CLEC16A: variants seen among roughly 807,000 people sequenced by gnomAD.
CLEC16A encodes the protein C-type lectin domain containing 16A, also known as protein CLEC16A.
A neutral mutation model predicts 109.5 loss-of-function variants in CLEC16A; 51 were observed. That is an observed-to-expected ratio of 0.47 (90% CI 0.37 to 0.59). CLEC16A has a LOEUF of 0.59. Ranked by LOEUF, CLEC16A falls within the 20% of genes least tolerant of loss-of-function variation. The pLI, the probability that CLEC16A is intolerant of heterozygous loss-of-function variation, is 0.00. For synonymous variants in CLEC16A, 673 were observed against 564.2 expected (o/e 1.19, Z -2.73); for missense variants, 1,339 against 1,394.0 (o/e 0.96, Z 0.63).
intron 10 of CLEC16A, among the ~76,000 whole-genome samples, chr16:10,988,945 G>A (rs1282399125): frequency 6.6e-6 from 1 of 152,112 alleles, no homozygotes; most frequent in Admixed American, 6.5e-5. Context: ...TCCTACCTGG[G>A]ACCTTCTTCC....
chr16:11,014,268 T>C (rs2045609194), intron 11 of CLEC16A, among the ~76,000 whole-genome samples: 1 of 152,256 alleles, frequency 6.6e-6, no homozygotes, highest in South Asian at 2.1e-4. Flanking sequence ...TTACTCCATA[T>C]CATTTCTCAG....
At chr16:10,956,936 T>C (rs1199426193) in intron 1 of CLEC16A, among the ~76,000 whole-genome samples, 1 of 152,108 alleles carries the variant, frequency 6.6e-6, no homozygotes, top group East Asian at 1.9e-4. Context: ...TAGCTGGGAT[T>C]ACAGACTTCG....
At chr16:10,987,739 A>G (rs983717579) in intron 10 of CLEC16A, among the ~76,000 whole-genome samples, 4 of 152,182 alleles carry the variant, frequency 2.6e-5, no homozygotes, top group Non-Finnish European at 4.4e-5. Context: ...TTCCTTCCCT[A>G]TGAGCGAGAA....
intron 20 of CLEC16A, among the ~76,000 whole-genome samples, chr16:11,121,845 A>C (rs1187382838): frequency 3.8e-5 from 5 of 130,678 alleles, no homozygotes. Context: ...GTGCCACTGC[A>C]CTCCAGCCTG....
intron 23 of CLEC16A, among the ~76,000 whole-genome samples, chr16:11,172,866 G>A (rs1400970769): frequency 1.1e-4 from 16 of 152,186 alleles, no homozygotes; most frequent in Non-Finnish European, 1.5e-5. Context: ...TCCAGCCTGG[G>A]CAACAGAGCG....
chr16:11,160,945 A>C (rs2054701881), intron 22 of CLEC16A, among the ~76,000 whole-genome samples: 1 of 152,156 alleles, frequency 6.6e-6, no homozygotes, highest in African/African-American at 2.4e-5. Context: ...GAAATCCCAC[A>C]TGCCACATTC....
rs199977476 is a variant in CLEC16A, at chr16:10,957,851, C to T, written c.150C>T (p.Thr50=). The change falls in exon 2 of 24, where the codon ACC becomes ACT. Residue 50 remains threonine, a synonymous_variant. Transcript: ENST00000409790. ...AGAACCGGAACCTGCTAGTGGAGAC[C>T]ATCCGTTCCATCACTGAGATCCTGA... The part of the protein sequence containing the change: ...TEQNRNLLVE[T]IRSITEILIW... 4 of 1,613,664 alleles carry T rather than the reference C, an allele frequency of 2.5e-6. No homozygotes were observed. Among genetic ancestry groups the T allele is most frequent in the South Asian group, 2.2e-5 (2 of 91,082 alleles).
At chr16:11,138,064 A>G (rs749807170) in intron 22 of CLEC16A, among the ~76,000 whole-genome samples, 5 of 152,170 alleles carry the variant, frequency 3.3e-5, no homozygotes, top group Non-Finnish European at 7.4e-5. Flanking sequence ...GTGGAGAAGA[A>G]TTGGGGTAGG....
intron 11 of CLEC16A, among the ~76,000 whole-genome samples, chr16:11,019,180 C>A (rs184138496): frequency 3.9e-5 from 6 of 152,288 alleles, no homozygotes; most frequent in Non-Finnish European, 1.5e-5. Context: ...GATGTGAACT[C>A]TGAGTTCCAA....
chr16:11,129,156 C>T (rs936733214), intron 22 of CLEC16A, among the ~76,000 whole-genome samples: 1 of 152,160 alleles, frequency 6.6e-6, no homozygotes, highest in African/African-American at 2.4e-5. Context: ...AGCCTCAGCA[C>T]CCACGTGTTT....
At chr16:10,985,301 A>G (rs929036024) in intron 10 of CLEC16A, among the ~76,000 whole-genome samples, 3 of 150,860 alleles carry the variant, frequency 2.0e-5, no homozygotes, top group African/African-American at 7.3e-5. Context: ...TGGTCTTTGC[A>G]GTATTTAAAA....
chr16:11,176,916 C>T (rs1268271829), intron 23 of CLEC16A, among the ~76,000 whole-genome samples: 5 of 152,098 alleles, frequency 3.3e-5, no homozygotes, highest in African/African-American at 9.7e-5. Flanking sequence ...GCTTTTATTT[C>T]GTTCTTTGTT....
intron 19 of CLEC16A, among the ~76,000 whole-genome samples, chr16:11,109,089 C>A (rs971708243): frequency 2.7e-5 from 3 of 111,936 alleles, no homozygotes; most frequent in African/African-American, 3.7e-5. Flanking sequence ...CCAGCCTGGG[C>A]GACAGAGTGA....
intron 19 of CLEC16A, among the ~76,000 whole-genome samples, chr16:11,104,430 C>G (rs2051100437): frequency 6.6e-6 from 1 of 152,148 alleles, no homozygotes; most frequent in Non-Finnish European, 1.5e-5. Context: ...CCCAGCATAT[C>G]CCAGAGGTTT....
chr16:11,028,543 G>GAA (rs577834995), intron 13 of CLEC16A, among the ~76,000 whole-genome samples: 5 of 123,374 alleles, frequency 4.1e-5, no homozygotes, highest in Non-Finnish European at 5.2e-5. Context: ...CTCTGCTGTG[G>GAA]AAAAAAAAAA....
At chr16:11,069,019 C>G (rs989978788) in intron 19 of CLEC16A, among the ~76,000 whole-genome samples, 4 of 132,496 alleles carry the variant, frequency 3.0e-5, no homozygotes, top group African/African-American at 1.1e-4. Context: ...TTTTAGTAGA[C>G]ATGGGGTTAC....
intron 22 of CLEC16A, among the ~76,000 whole-genome samples, chr16:11,146,426 T>C (rs1187592136): frequency 6.6e-6 from 1 of 150,626 alleles, no homozygotes; most frequent in African/African-American, 2.5e-5. Context: ...GATATTTGGA[T>C]ATAGAGGGAT....
At chr16:11,036,327 G>A (rs1287707470) in intron 13 of CLEC16A, among the ~76,000 whole-genome samples, 1 of 151,382 alleles carries the variant, frequency 6.6e-6, no homozygotes, top group Admixed American at 6.6e-5. Context: ...GACCTCTCTG[G>A]GTCTGCTCCA....
chr16:10,977,205 G>A lies in CLEC16A; in HGVS notation c.729-20G>A. 1.9e-6 allele frequency: 3 copies of A among 1,610,000 alleles called. No homozygotes were observed. The highest frequency in any genetic ancestry group is 1.1e-5 in the South Asian group (1 of 90,522). On this transcript the variant is annotated intron_variant, in intron 7 of 23. Transcript: ENST00000409790. The stretch of plus-strand genomic sequence containing the variant: ...TCCTAGTGTTGGCCTCCAGGCTGAG[G>A]TGGTCATTTCTCCTGGCAGGCATCG...
Sources: allele counts gnomAD v4.1 joint callset (sites outside exome capture counted in the v4.1 genomes callset), GRCh38; gene constraint gnomAD v4.1.1; transcripts MANE v1.5; gene names NCBI Gene and HGNC (gene_info 2026-07-23, HGNC 2026-07-21).